Variants in CNIH3 observed in about 807,000 individuals in gnomAD.
CNIH3 encodes the protein protein cornichon homolog 3.
CNIH3 carries 14 observed loss-of-function variants against 24.1 expected under a neutral mutation model. That is an observed-to-expected ratio of 0.58 (90% confidence interval 0.38 to 0.91). CNIH3 has a LOEUF of 0.91. Among genes scored for constraint, CNIH3 ranks in the 40% least tolerant of loss-of-function variants. The pLI is 0.00. For missense variants in CNIH3, 178 were observed against 196.8 expected (o/e 0.90, Z 0.57); for synonymous variants, 68 against 73.8 (o/e 0.92, Z 0.40).
At chr1:224,442,890 G>T (rs1386708003) in intron 1 of CNIH3, among the ~76,000 whole-genome samples, 1 of 152,130 alleles carries the variant, frequency 6.6e-6, no homozygotes, top group Admixed American at 6.5e-5. Context: ...AGTCCTATAC[G>T]TTCATTTTTG....
chr1:224,498,129 G>A (rs1376282529), intron 1 of CNIH3, among the ~76,000 whole-genome samples: 1 of 152,304 alleles, frequency 6.6e-6, no homozygotes, highest in African/African-American at 2.4e-5. Context: ...CTGATTCAGG[G>A]CCCATCTGGC....
At chr1:224,477,911 T>C (rs1375015179) in intron 1 of CNIH3, among the ~76,000 whole-genome samples, 1 of 152,204 alleles carries the variant, frequency 6.6e-6, no homozygotes, top group Non-Finnish European at 1.5e-5. Flanking sequence ...TCCTTTATGT[T>C]TGAAGGATTT....
intron 1 of CNIH3, among the ~76,000 whole-genome samples, chr1:224,635,172 G>A (rs202215263): frequency 4.6e-5 from 7 of 152,058 alleles, no homozygotes; most frequent in African/African-American, 1.2e-4. Flanking sequence ...GGCGGGGGTC[G>A]GGGGGAACTG....
intron 1 of CNIH3, among the ~76,000 whole-genome samples, chr1:224,671,231 C>T (rs1481685713): frequency 6.6e-6 from 1 of 152,202 alleles, no homozygotes; most frequent in Non-Finnish European, 1.5e-5. Flanking sequence ...GGAACCCTGA[C>T]CAATACAGAG....
intron 4 of CNIH3, chr1:224,574,872 A>G (rs1048417627): frequency 3.0e-6 from 3 of 999,678 alleles, no homozygotes; most frequent in Admixed American, 3.4e-5. Context: ...ATGGGCGGGC[A>G]TGGAAGAGCT....
intron 3 of CNIH3, among the ~76,000 whole-genome samples, chr1:224,553,592 T>G (rs1396866288): frequency 6.6e-6 from 1 of 152,104 alleles, no homozygotes; most frequent in Non-Finnish European, 1.5e-5. Context: ...GCCCTCTGCT[T>G]CCTGTTGTGC....
chr1:224,617,242 T>A lies in CNIH3; in HGVS notation c.68T>A (p.Phe23Tyr). The change falls in exon 1 of 6, where the codon TTC becomes TAC. Residue 23 changes from phenylalanine (F) to tyrosine (Y), a missense_variant. By Grantham distance (22) the Phe-to-Tyr change is conservative. Coordinates refer to ENST00000272133, the MANE Select transcript of CNIH3 (RefSeq NM_152495.2). ...GTGCTGTGCGCTGCGCTCATCTTCTTCGCCATCTGGCACGTGAGTAACACG... is the reference window on the plus strand; with the variant it reads ...GTGCTGTGCGCTGCGCTCATCTTCTACGCCATCTGGCACGTGAGTAACACG... ...SLVLCAALIF[F>Y]AIWHIIAFDE... The A allele has an allele frequency of 1.2e-6, 2 of 1,614,040 alleles. No homozygotes were observed. Among genetic ancestry groups the A allele is most frequent in the Non-Finnish European group, 1.7e-6 (2 of 1,179,980 alleles).
At chr1:224,614,208 G>T (rs992516325), upstream of CNIH3, among the ~76,000 whole-genome samples, 2 of 152,088 alleles carry the variant, frequency 1.3e-5, no homozygotes, top group Non-Finnish European at 2.9e-5. Context: ...ATGCAAGAAC[G>T]GCCTAATACA....
intron 1 of CNIH3, among the ~76,000 whole-genome samples, chr1:224,450,657 A>G (rs757298291): frequency 2.0e-5 from 3 of 152,228 alleles, no homozygotes; most frequent in Non-Finnish European, 2.9e-5. Flanking sequence ...GTGGAGCCAA[A>G]GGTAAATTAT....
intron 1 of CNIH3, among the ~76,000 whole-genome samples, chr1:224,654,308 G>C (rs761956610): frequency 2.0e-5 from 3 of 152,106 alleles, no homozygotes; most frequent in Admixed American, 1.3e-4. Flanking sequence ...GCTTGAACCC[G>C]GGGGTGGAGG....
At chr1:224,468,801 C>T (rs555390972) in intron 1 of CNIH3, among the ~76,000 whole-genome samples, 5 of 146,832 alleles carry the variant, frequency 3.4e-5, no homozygotes, top group South Asian at 4.3e-4. Flanking sequence ...CTCCAGCCTG[C>T]GTGACAGAGT....
chr1:224,649,490 G>A (rs974446945), intron 1 of CNIH3, among the ~76,000 whole-genome samples: 5 of 152,216 alleles, frequency 3.3e-5, no homozygotes, highest in African/African-American at 1.2e-4. Flanking sequence ...TATAGCAGCA[G>A]TAGGAACTAA....
chr1:224,456,969 G>A (rs1388262089), intron 1 of CNIH3, among the ~76,000 whole-genome samples: 1 of 152,226 alleles, frequency 6.6e-6, no homozygotes, highest in Admixed American at 6.5e-5. Context: ...GGGCGTGGGA[G>A]CAGCAAGGCC....
At chr1:224,441,620 A>G (rs1041698290) in intron 1 of CNIH3, among the ~76,000 whole-genome samples, 6 of 152,248 alleles carry the variant, frequency 3.9e-5, no homozygotes, top group Non-Finnish European at 1.5e-5. Context: ...GTTAACAACA[A>G]ATTCTAATTA....
At chr1:224,491,446 T>G (rs1258849542) in intron 1 of CNIH3, among the ~76,000 whole-genome samples, 1 of 152,176 alleles carries the variant, frequency 6.6e-6, no homozygotes, top group Non-Finnish European at 1.5e-5. Flanking sequence ...TATGAGAAAC[T>G]AAACTTTATG....
intron 3 of CNIH3, among the ~76,000 whole-genome samples, chr1:224,552,650 C>T (rs1679970435): frequency 6.6e-6 from 1 of 151,376 alleles, no homozygotes; most frequent in African/African-American, 2.4e-5. Context: ...AATAATATAT[C>T]TCCCTTAAAT....
intron 1 of CNIH3, among the ~76,000 whole-genome samples, chr1:224,476,519 G>A (rs927935325): frequency 6.6e-6 from 1 of 152,210 alleles, no homozygotes; most frequent in African/African-American, 2.4e-5. Context: ...CATTTGCCCT[G>A]AGAAATGAGC....
rs149444071 is a variant in CNIH3 at position 224,691,859 on chromosome 1, A to G, written c.198+7016A>G. ...TCTTATTCTTTGCCAGAGTCCAGCC[A>G]TTCTTTGACTCTACAAATTTACAAA... On this transcript the variant is annotated intron_variant, in intron 3 of 5. Coordinates refer to ENST00000272133, the MANE Select transcript of CNIH3 (RefSeq NM_152495.2). Among the ~76,000 whole-genome samples, 724 of 152,346 alleles carry G rather than the reference A, an allele frequency of 4.8e-3. 3 individuals carry two copies. Among genetic ancestry groups the G allele is most frequent in the African/African-American group, 0.016 (673 of 41,580 alleles).
intron 3 of CNIH3, among the ~76,000 whole-genome samples, chr1:224,708,343 C>T (rs1193168847): frequency 1.3e-5 from 2 of 152,212 alleles, no homozygotes; most frequent in East Asian, 3.8e-4. Context: ...CCTTCTCTCT[C>T]TCATTGTTAT....
Sources: allele counts gnomAD v4.1 joint callset (sites outside exome capture counted in the v4.1 genomes callset), GRCh38; gene constraint gnomAD v4.1.1; transcripts MANE v1.5; gene names NCBI Gene and HGNC (gene_info 2026-07-23, HGNC 2026-07-21).